Variants in CWH43 observed in about 807,000 individuals in gnomAD.
The protein encoded by CWH43 is PGAP2-interacting protein.
CWH43 carries 91 observed loss-of-function variants against 85.7 expected under a neutral mutation model. The observed-to-expected ratio is 1.06, with a 90% CI of 0.90 to 1.26. The LOEUF is 1.26. Among genes scored for constraint, CWH43 ranks in the 50% most tolerant of loss-of-function variants. CWH43 has a pLI of 0.00. For missense variants in CWH43, 869 were observed against 839.2 expected (o/e 1.04, Z -0.44); for synonymous variants, 323 against 293.6 (o/e 1.10, Z -1.02).
intron 8 of CWH43, among the ~76,000 whole-genome samples, chr4:49,011,950 C>G (rs1453167918): frequency 1.3e-5 from 2 of 152,070 alleles, no homozygotes; most frequent in African/African-American, 2.4e-5. Flanking sequence ...AGTCATGTGT[C>G]TTGGGGTTGC....
In CWH43 at chr4:48,994,733, C is replaced by T. The variant is rs763498154; in HGVS notation, c.626C>T (p.Thr209Ile). 2 of 1,614,072 alleles carry T rather than the reference C, an allele frequency of 1.2e-6. No individual in the cohort carries two copies. The highest frequency in any genetic ancestry group is 1.1e-5 in the South Asian group (1 of 91,084). ...GAAFGSLVFL[T>I]HWVFGEVSLV... ...GCTTTTGGTAGCCTTGTGTTCCTCA[C>T]CCACTGGGTTTTTGGAGAAGTCTCT... Residue 209 changes from threonine (T) to isoleucine (I), a missense_variant, in exon 5 of 16, where the codon ACC (threonine) becomes ATC (isoleucine). Coordinates refer to ENST00000226432, the MANE Select transcript of CWH43 (RefSeq NM_025087.3).
At chr4:49,041,543 T>C (rs1784463340) in intron 13 of CWH43, among the ~76,000 whole-genome samples, 1 of 152,202 alleles carries the variant, frequency 6.6e-6, no homozygotes. Flanking sequence ...TGGCTCTCTG[T>C]TTGTCTATTA....
At chr4:49,017,201 T>G (rs1338144603) in intron 8 of CWH43, 48 bp from the exon 9 acceptor site, 1 of 1,487,418 alleles carries the variant, frequency 6.7e-7, no homozygotes, top group Non-Finnish European at 9.2e-7. Context: ...AAATTTATTT[T>G]ATTTTATTTA....
intron 12 of CWH43, among the ~76,000 whole-genome samples, chr4:49,035,479 G>C (rs780802597): frequency 2.0e-5 from 3 of 152,164 alleles, no homozygotes; most frequent in Non-Finnish European, 2.9e-5. Context: ...AAAGAGGAGA[G>C]AACACAGAAT....
At chr4:49,009,848 C>A (rs1783295599) in intron 8 of CWH43, among the ~76,000 whole-genome samples, 2 of 151,964 alleles carry the variant, frequency 1.3e-5, no homozygotes, top group African/African-American at 2.4e-5. Flanking sequence ...GGTGGATAAG[C>A]TTTTTGATGT....
At chr4:49,033,514 G>T (rs1486167231) in intron 12 of CWH43, among the ~76,000 whole-genome samples, 3 of 152,116 alleles carry the variant, frequency 2.0e-5, no homozygotes, top group Non-Finnish European at 4.4e-5. Flanking sequence ...AAGGAGAATA[G>T]AAAAGAAGGA....
At chr4:49,003,421 A>C (rs140429847) in intron 6 of CWH43, among the ~76,000 whole-genome samples, 1 of 152,258 alleles carries the variant, frequency 6.6e-6, no homozygotes, top group African/African-American at 2.4e-5. Context: ...GTATTGCAGA[A>C]ATTTTAGTTT....
At chr4:49,047,713 G>A (rs542369954) in intron 14 of CWH43, among the ~76,000 whole-genome samples, 63 of 152,088 alleles carry the variant, frequency 4.1e-4, no homozygotes, top group Admixed American at 2.6e-4. Context: ...GAGGAGGGAA[G>A]GAGAGAGTGT....
At chr4:49,016,649 G>T (rs995446014) in intron 8 of CWH43, 13 of 754,992 alleles carry the variant, frequency 1.7e-5, no homozygotes, top group Non-Finnish European at 2.7e-5. Flanking sequence ...AGAAGCATGT[G>T]CAGGGGAGGG....
At chr4:49,035,043 C>T (rs759680824) in intron 12 of CWH43, among the ~76,000 whole-genome samples, 7 of 152,170 alleles carry the variant, frequency 4.6e-5, no homozygotes, top group Non-Finnish European at 7.3e-5. Context: ...GAGCCACTCC[C>T]CAGAAGTACT....
At chr4:48,988,735 C>T (rs1782567343) in intron 2 of CWH43, 67 bp downstream of exon 2, 2 of 978,234 alleles carry the variant, frequency 2.0e-6, no homozygotes, top group South Asian at 4.1e-5. Flanking sequence ...ATTATGTAGA[C>T]TGTTCTTTGA....
At chr4:49,012,526 C>T (rs1479478587) in intron 8 of CWH43, among the ~76,000 whole-genome samples, 1 of 152,232 alleles carries the variant, frequency 6.6e-6, no homozygotes, top group Non-Finnish European at 1.5e-5. Flanking sequence ...TGGTGAGGAG[C>T]TGTGATCCTT....
intron 7 of CWH43, among the ~76,000 whole-genome samples, chr4:49,006,860 A>G (rs990437976): frequency 6.6e-6 from 1 of 152,166 alleles, no homozygotes; most frequent in Admixed American, 6.6e-5. Context: ...TTGCATCCCT[A>G]TGGGAGCTCA....
At chr4:48,996,320 C>T (rs866234494) in intron 5 of CWH43, among the ~76,000 whole-genome samples, 5 of 135,586 alleles carry the variant, frequency 3.7e-5, no homozygotes, top group African/African-American at 1.2e-4. Context: ...CACACACACA[C>T]ACACACACAC....
At chr4:48,995,201 G>A (rs1316761746) in intron 5 of CWH43, among the ~76,000 whole-genome samples, 1 of 152,164 alleles carries the variant, frequency 6.6e-6, no homozygotes, top group Non-Finnish European at 1.5e-5. Flanking sequence ...CATTTAGTAG[G>A]ATAAGACCAC....
chr4:49,032,860 T>C, intron 12 of CWH43, 145 bp downstream of exon 12: 1 of 1,063,780 alleles, frequency 9.4e-7, no homozygotes, highest in Non-Finnish European at 1.4e-6. Context: ...GTTTTAAAAA[T>C]CAGACAGAAG....
intron 15 of CWH43, among the ~76,000 whole-genome samples, chr4:49,053,340 A>T (rs1025811114): frequency 1.1e-4 from 17 of 152,210 alleles, no homozygotes; most frequent in African/African-American, 3.9e-4. Context: ...TGGTAGTTCT[A>T]TTTTTAATTT....
intron 5 of CWH43, among the ~76,000 whole-genome samples, chr4:48,997,772 AC>A (rs1376288326): frequency 2.0e-5 from 3 of 152,234 alleles, no homozygotes; most frequent in Non-Finnish European, 4.4e-5. Flanking sequence ...TCTTACAGGC[AC>A]ATGAGAATTA....
chr4:49,005,958 A>C lies in CWH43; in HGVS notation c.1061-1243A>C, dbSNP rs115666106. ...TTTGAAAGACATATTTTAAAATTAC[A>C]TGAAATATTTTTGAATTAACTTGGA... is the stretch of plus-strand genomic sequence containing the variant. On this transcript the variant is annotated intron_variant, in intron 7 of 15. Coordinates refer to ENST00000226432, the MANE Select transcript of CWH43 (RefSeq NM_025087.3). Among the ~76,000 whole-genome samples the C allele has an allele frequency of 3.6e-3, 544 of 152,334 alleles. 6 individuals carry two copies. Among genetic ancestry groups the C allele is most frequent in the African/African-American group, 0.013 (530 of 41,590 alleles).
Sources: gnomAD v4.1 joint callset for allele counts (sites outside exome capture counted in the v4.1 genomes callset) on GRCh38, gnomAD v4.1.1 for gene constraint, MANE v1.5 for transcripts, NCBI Gene and HGNC (gene_info 2026-07-23, HGNC 2026-07-21) for gene names.